Variants in PCDH15 observed in about 807,000 individuals in gnomAD.
PCDH15 encodes protocadherin-15.
PCDH15 carries 129 observed loss-of-function variants against 178.5 expected under a neutral mutation model. The observed-to-expected ratio is 0.72, with a 90% CI of 0.63 to 0.84. PCDH15 has a LOEUF of 0.84. Ranked by LOEUF, PCDH15 falls within the 40% of genes least tolerant of loss-of-function variation. PCDH15 has a pLI of 0.00. For missense variants in PCDH15, 2,230 were observed against 2,099.9 expected (o/e 1.06, Z -1.21); for synonymous variants, 800 against 732.0 (o/e 1.09, Z -1.50).
At chr10:54,100,203 A>G (rs1021930575) in intron 15 of PCDH15, among the ~76,000 whole-genome samples, 7 of 151,968 alleles carry the variant, frequency 4.6e-5, no homozygotes, top group Non-Finnish European at 1.0e-4. Flanking sequence ...TGTCACTACT[A>G]AAAACACAAA....
At chr10:55,149,808 A>AC (rs1312012833) in intron 2 of PCDH15, among the ~76,000 whole-genome samples, 6 of 152,100 alleles carry the variant, frequency 3.9e-5, no homozygotes, top group Non-Finnish European at 5.9e-5. Flanking sequence ...AGAAATTCTG[A>AC]CCAATTGACT....
chr10:55,023,464 T>G (rs1042086623), intron 2 of PCDH15, among the ~76,000 whole-genome samples: 1 of 152,162 alleles, frequency 6.6e-6, no homozygotes, highest in South Asian at 2.1e-4. Flanking sequence ...AAAGTCTAGA[T>G]AAATTTTGTA....
chr10:54,523,115 C>A (rs966989647), intron 3 of PCDH15, among the ~76,000 whole-genome samples: 7 of 152,090 alleles, frequency 4.6e-5, no homozygotes, highest in African/African-American at 1.7e-4. Flanking sequence ...TAGTGCTAAC[C>A]AGGTCAGCAT....
intron 2 of PCDH15, among the ~76,000 whole-genome samples, chr10:55,027,089 G>T (rs1490252396): frequency 6.6e-6 from 1 of 151,864 alleles, no homozygotes; most frequent in Non-Finnish European, 1.5e-5. Context: ...AAGGTTAGCT[G>T]GTAGTAGTAA....
chr10:55,112,585 A>G (rs1837536063), intron 2 of PCDH15, among the ~76,000 whole-genome samples: 1 of 152,174 alleles, frequency 6.6e-6, no homozygotes, highest in Non-Finnish European at 1.5e-5. Flanking sequence ...TAAGGACCCC[A>G]TGGCTGGTGG....
intron 2 of PCDH15, among the ~76,000 whole-genome samples, chr10:55,543,997 T>C (rs1841819943): frequency 6.6e-6 from 1 of 151,026 alleles, no homozygotes; most frequent in Non-Finnish European, 1.5e-5. Context: ...ACTGACACAT[T>C]ACTTACTGGT....
intron 2 of PCDH15, among the ~76,000 whole-genome samples, chr10:55,554,537 G>A (rs1030709778): frequency 5.9e-5 from 9 of 151,854 alleles, no homozygotes; most frequent in African/African-American, 1.9e-4. Flanking sequence ...GACTGTGCAG[G>A]GTCACTCCTA....
At chr10:54,835,882 AT>A (rs1953307949) in intron 3 of PCDH15, among the ~76,000 whole-genome samples, 1 of 152,120 alleles carries the variant, frequency 6.6e-6, no homozygotes, top group Admixed American at 6.6e-5. Flanking sequence ...AAGATACGGT[AT>A]TTTTTTAAAA....
At chr10:54,512,234 A>G (rs996876210) in intron 3 of PCDH15, among the ~76,000 whole-genome samples, 4 of 152,234 alleles carry the variant, frequency 2.6e-5, no homozygotes, top group Admixed American at 1.3e-4. Flanking sequence ...TTCTTATTAA[A>G]TTTAAAAGTA....
chr10:53,933,752 G>A (rs993941370), intron 25 of PCDH15, among the ~76,000 whole-genome samples: 1 of 152,118 alleles, frequency 6.6e-6, no homozygotes, highest in Non-Finnish European at 1.5e-5. Context: ...TCGCCACACT[G>A]ACTTCCACAG....
chr10:55,075,549 G>C (rs1841867353), intron 2 of PCDH15, among the ~76,000 whole-genome samples: 1 of 151,644 alleles, frequency 6.6e-6, no homozygotes, highest in Non-Finnish European at 1.5e-5. Flanking sequence ...TATTTTAGTA[G>C]AGACGGGGTT....
chr10:55,057,263 T>A lies in PCDH15; in HGVS notation c.-80+109313A>T, dbSNP rs1342977465. ...CTTCTTTCCTTTAGTGGTTGTAATT[T>A]TTTTCCCTTGATTTCTGTATTTTGG... On this transcript the variant is annotated intron_variant, in intron 2 of 5. Coordinates refer to the PCDH15 transcript ENST00000458638. Among the ~76,000 whole-genome samples the A allele has an allele frequency of 2.6e-5, 4 of 152,280 alleles. No homozygotes were observed. The East Asian group carries it at 7.7e-4, about 29-fold the overall frequency.
intron 2 of PCDH15, among the ~76,000 whole-genome samples, chr10:55,384,150 TA>T (rs1184133037): frequency 2.6e-5 from 4 of 152,166 alleles, no homozygotes; most frequent in Non-Finnish European, 5.9e-5. Flanking sequence ...TAGACTTTGT[TA>T]ATCTGTTTAC....
chr10:55,188,675 T>C (rs1263398778), intron 1 of PCDH15, among the ~76,000 whole-genome samples: 1 of 151,956 alleles, frequency 6.6e-6, no homozygotes, highest in African/African-American at 2.4e-5. Context: ...TTTTACAGTA[T>C]CCTTTTTTTA....
At chr10:54,451,230 G>C (rs6481098) in intron 3 of PCDH15, among the ~76,000 whole-genome samples, 1 of 151,572 alleles carries the variant, frequency 6.6e-6, no homozygotes, top group Non-Finnish European at 1.5e-5. Context: ...ATTGGCACTT[G>C]GAAACTATTT....
chr10:54,264,116 C>T (rs910697541), intron 8 of PCDH15, among the ~76,000 whole-genome samples: 3 of 152,038 alleles, frequency 2.0e-5, no homozygotes, highest in Admixed American at 1.3e-4. Context: ...CTTTGGGACT[C>T]GGACTGCCTT....
intron 2 of PCDH15, among the ~76,000 whole-genome samples, chr10:55,570,969 C>A (rs374602411): frequency 3.0e-4 from 45 of 151,992 alleles, no homozygotes; most frequent in African/African-American, 9.9e-4. Context: ...ATATCAAAAG[C>A]AAAATTCCCT....
intron 2 of PCDH15, among the ~76,000 whole-genome samples, chr10:55,432,159 C>A (rs184085636): frequency 9.8e-4 from 149 of 151,730 alleles, no homozygotes; most frequent in African/African-American, 3.5e-3. Flanking sequence ...CTTCATTGAT[C>A]AGTTAATATT....
At chr10:55,386,038 A>G (rs999631722) in intron 2 of PCDH15, among the ~76,000 whole-genome samples, 5 of 151,888 alleles carry the variant, frequency 3.3e-5, no homozygotes, top group East Asian at 1.9e-4. Flanking sequence ...TTGTTTGACT[A>G]TCAACTTGAC....
Sources: gnomAD v4.1 joint callset for allele counts (sites outside exome capture counted in the v4.1 genomes callset) on GRCh38, gnomAD v4.1.1 for gene constraint, MANE v1.5 for transcripts, NCBI Gene and HGNC (gene_info 2026-07-23, HGNC 2026-07-21) for gene names.